B4GALT5: variants seen among roughly 807,000 people sequenced by gnomAD.
The protein encoded by B4GALT5 is beta-1,4-galactosyltransferase 5, also known as UDP-Gal:beta-GlcNAc beta-1,4-galactosyltransferase 5.
B4GALT5 carries 11 observed loss-of-function variants against 45.0 expected under a neutral mutation model. The observed-to-expected ratio is 0.24, with a 90% confidence interval of 0.15 to 0.40. The LOEUF (loss-of-function observed/expected upper bound fraction) is 0.40, where lower values mean the gene tolerates loss of function less well. Ranked by LOEUF, B4GALT5 falls within the 10% of genes least tolerant of loss-of-function variation. The pLI, the probability that B4GALT5 is intolerant of heterozygous loss-of-function variation, is 1.00. For missense variants in B4GALT5, 337 were observed against 500.2 expected, an observed-to-expected ratio of 0.67 and a Z score of 3.11; for synonymous variants, 185 against 182.9, an observed-to-expected ratio of 1.01 and a Z score of -0.09.
At chr20:49,657,142 A>C (rs946233801) in intron 1 of B4GALT5, among the ~76,000 whole-genome samples, 1 of 152,202 alleles carries the variant, frequency 6.6e-6, no homozygotes, top group Admixed American at 6.5e-5. Context: ...TGACTGCTAG[A>C]AGCACTGAAG....
intron 2 of B4GALT5, among the ~76,000 whole-genome samples, chr20:49,652,080 A>C (rs750120665): frequency 6.6e-6 from 1 of 152,200 alleles, no homozygotes; most frequent in Non-Finnish European, 1.5e-5. Context: ...CTGTCTCAAA[A>C]CAAAAACAAA....
intron 1 of B4GALT5, among the ~76,000 whole-genome samples, chr20:49,692,159 T>G (rs928199292): frequency 6.6e-6 from 1 of 152,182 alleles, no homozygotes; most frequent in African/African-American, 2.4e-5. Context: ...CTACTGTTTT[T>G]TTTTTAATGT....
intron 1 of B4GALT5, among the ~76,000 whole-genome samples, chr20:49,677,758 A>G (rs2085745027): frequency 6.6e-6 from 1 of 152,048 alleles, no homozygotes; most frequent in South Asian, 2.1e-4. Context: ...TGATTGATTG[A>G]TTTTTGGGAT....
chr20:49,680,460 T>C (rs542837360), intron 1 of B4GALT5, among the ~76,000 whole-genome samples: 22 of 152,332 alleles, frequency 1.4e-4, no homozygotes, highest in Admixed American at 2.6e-4. Context: ...TGCTGTAACA[T>C]AGATGAACCT....
intron 1 of B4GALT5, among the ~76,000 whole-genome samples, chr20:49,713,105 G>A (rs2146366579): frequency 6.6e-6 from 1 of 151,902 alleles, no homozygotes; most frequent in East Asian, 1.9e-4. Flanking sequence ...GCTAGAAGGT[G>A]GGGCGGCCTG....
chr20:49,677,463 T>C (rs1403574759), intron 1 of B4GALT5, among the ~76,000 whole-genome samples: 1 of 152,188 alleles, frequency 6.6e-6, no homozygotes, highest in African/African-American at 2.4e-5. Flanking sequence ...TTATCCCCTT[T>C]CACACCATTC....
chr20:49,678,344 CAT>C lies in B4GALT5; in HGVS notation c.116-21644_116-21643del, dbSNP rs112146954. Among the ~76,000 whole-genome samples the C allele has an allele frequency of 1.8e-3, 273 of 152,330 alleles. 1 individual carries two copies. The highest frequency in any genetic ancestry group is 6.3e-3 in the African/African-American group (261 of 41,568). On this transcript the variant is annotated intron_variant, in intron 1 of 8. Coordinates refer to ENST00000371711, the MANE Select transcript of B4GALT5 (RefSeq NM_004776.4). ...CCTGGAACTCACAAAGGACTGGACA[CAT>C]GTCATGGAATTATTTATAGTCTAGG...
chr20:49,672,906 A>G (rs912181592), intron 1 of B4GALT5, among the ~76,000 whole-genome samples: 7 of 152,256 alleles, frequency 4.6e-5, no homozygotes, highest in African/African-American at 1.4e-4. Flanking sequence ...CACAGATCAC[A>G]TAACTGCAAA....
chr20:49,713,220 G>A (rs2085926406), intron 1 of B4GALT5, among the ~76,000 whole-genome samples: 1 of 151,902 alleles, frequency 6.6e-6, no homozygotes, highest in Admixed American at 6.6e-5. Flanking sequence ...GAAGGGAAGG[G>A]GAAGCGGGAG....
chr20:49,697,456 C>A (rs1568733601), intron 1 of B4GALT5, among the ~76,000 whole-genome samples: 2 of 152,252 alleles, frequency 1.3e-5, no homozygotes, highest in Non-Finnish European at 2.9e-5. Context: ...TGGCTTCAAC[C>A]CTCCTCTACC....
intron 1 of B4GALT5, among the ~76,000 whole-genome samples, chr20:49,689,296 T>C (rs2146353542): frequency 6.6e-6 from 1 of 152,304 alleles, no homozygotes; most frequent in Non-Finnish European, 1.5e-5. Flanking sequence ...CTTAACATAC[T>C]GAGGATGAAG....
intron 2 of B4GALT5, among the ~76,000 whole-genome samples, chr20:49,650,288 T>C (rs942699005): frequency 2.6e-5 from 4 of 152,086 alleles, no homozygotes; most frequent in African/African-American, 9.7e-5. Flanking sequence ...TCCAGAAACT[T>C]ACTCTACATC....
intron 1 of B4GALT5, among the ~76,000 whole-genome samples, chr20:49,668,545 C>T (rs2085701842): frequency 7.9e-6 from 1 of 127,054 alleles, no homozygotes; most frequent in Admixed American, 1.0e-4. Flanking sequence ...TTGCTGGTTC[C>T]ATTGAAACTG....
At chr20:49,670,064 G>A (rs1212850646) in intron 1 of B4GALT5, among the ~76,000 whole-genome samples, 1 of 152,206 alleles carries the variant, frequency 6.6e-6, no homozygotes, top group African/African-American at 2.4e-5. Context: ...AGCTCTCAGT[G>A]CTGCTCTGCC....
intron 1 of B4GALT5, among the ~76,000 whole-genome samples, chr20:49,706,633 T>C (rs6067190): frequency 0.47 from 70,970 of 151,950 alleles, 17,559 homozygotes; most frequent in South Asian, 0.65. Context: ...AAGGCAAGCA[T>C]ACCTTTATTG....
chr20:49,690,041 T>C (rs1463696174), intron 1 of B4GALT5, among the ~76,000 whole-genome samples: 1 of 152,192 alleles, frequency 6.6e-6, no homozygotes, highest in Non-Finnish European at 1.5e-5. Context: ...TCTCCCTCTG[T>C]CACCCAGGCT....
chr20:49,646,883 T>A, intron 3 of B4GALT5, 82 bp downstream of exon 3: 1 of 826,726 alleles, frequency 1.2e-6, no homozygotes. Context: ...ATATTCTCTC[T>A]GCAGGCAGAC....
rs183889364 is a variant in B4GALT5 at position 49,641,770 on chromosome 20, T to C, written c.606+698A>G. 3.1e-3 allele frequency among the ~76,000 whole-genome samples: 470 copies of C among 152,314 alleles called. 2 individuals carry two copies. Among genetic ancestry groups the C allele is most frequent in the Middle Eastern group, 6.8e-3 (2 of 294 alleles). ...GTGTATTCAGGGAAATCTGTCAACCTTTTGTTTATCTATGGATATAGCACC... is the reference window on the plus strand; with the variant it reads ...GTGTATTCAGGGAAATCTGTCAACCCTTTGTTTATCTATGGATATAGCACC... On this transcript the variant is annotated intron_variant, in intron 5 of 8. Transcript: ENST00000371711.
chr20:49,648,657 A>T (rs2085608752), intron 2 of B4GALT5, among the ~76,000 whole-genome samples: 2 of 152,094 alleles, frequency 1.3e-5, no homozygotes, highest in African/African-American at 4.8e-5. Context: ...AAGGGTTTAT[A>T]ATTTAAAAAC....
Sources: allele counts gnomAD v4.1 joint callset (sites outside exome capture counted in the v4.1 genomes callset), GRCh38; gene constraint gnomAD v4.1.1; transcripts MANE v1.5; gene names NCBI Gene and HGNC (gene_info 2026-07-23, HGNC 2026-07-21).